KIAA1217: variants seen among roughly 807,000 people sequenced by gnomAD.
KIAA1217 encodes sickle tail protein homolog.
In KIAA1217, 88 loss-of-function variants were observed where a neutral mutation model predicts 163.9. That is an observed-to-expected ratio of 0.54 (90% CI 0.45 to 0.64). The LOEUF is 0.64. Ranked by LOEUF, KIAA1217 falls within the 30% of genes least tolerant of loss-of-function variation. The pLI is 0.00. For missense variants in KIAA1217, 2,372 were observed against 2,475.0 expected (o/e 0.96, Z 0.88); for synonymous variants, 903 against 923.1 (o/e 0.98, Z 0.39).
chr10:24,135,866 A>G (rs557584393), intron 2 of KIAA1217, among the ~76,000 whole-genome samples: 1 of 152,186 alleles, frequency 6.6e-6, no homozygotes, highest in Non-Finnish European at 1.5e-5. Flanking sequence ...TCTATCCAAA[A>G]TTCAGGCAGA....
At chr10:24,471,864 G>C (rs1430145944) in intron 5 of KIAA1217, among the ~76,000 whole-genome samples, 1 of 137,912 alleles carries the variant, frequency 7.3e-6, no homozygotes, top group Non-Finnish European at 1.5e-5. Context: ...TCCAGCCTGG[G>C]AGACAGAGCA....
chr10:24,461,479 C>T (rs2062403716), intron 5 of KIAA1217, among the ~76,000 whole-genome samples: 1 of 152,056 alleles, frequency 6.6e-6, no homozygotes, highest in Non-Finnish European at 1.5e-5. Context: ...CTCAGCCTCC[C>T]AAGTAGCTGG....
intron 1 of KIAA1217, among the ~76,000 whole-genome samples, chr10:23,895,994 G>C (rs924836563): frequency 1.6e-5 from 2 of 125,024 alleles, no homozygotes; most frequent in Non-Finnish European, 1.6e-5. Flanking sequence ...GACTGTTGTG[G>C]GGTGGGGGGA....
chr10:24,285,240 A>G (rs1485438100), intron 2 of KIAA1217, among the ~76,000 whole-genome samples: 1 of 152,202 alleles, frequency 6.6e-6, no homozygotes, highest in Non-Finnish European at 1.5e-5. Flanking sequence ...ATTAGGTTCT[A>G]CTTGTCAATT....
chr10:24,272,903 A>G (rs2132003408), intron 2 of KIAA1217, among the ~76,000 whole-genome samples: 1 of 152,332 alleles, frequency 6.6e-6, no homozygotes, highest in Non-Finnish European at 1.5e-5. Flanking sequence ...GCAAACGTGG[A>G]ATAGCATCCA....
Position 24,002,300 on chromosome 10 carries a change from C to G in KIAA1217, c.-320-4925C>G, listed in dbSNP as rs146945596. On this transcript the variant is annotated intron_variant, in intron 1 of 18. Transcript: ENST00000376462. ...GTTCTTTCCAATTCATTCTTAGTCTCCTCTCTCCACAGAGCTCAGGCATAG... is the reference window on the plus strand; with the variant it reads ...GTTCTTTCCAATTCATTCTTAGTCTGCTCTCTCCACAGAGCTCAGGCATAG... Among the ~76,000 whole-genome samples the G allele has an allele frequency of 8.0e-3, 1,223 of 152,286 alleles. 21 individuals are homozygous for G. Among genetic ancestry groups the G allele is most frequent in the African/African-American group, 0.028 (1,179 of 41,566 alleles).
chr10:23,896,486 G>A (rs575187433), intron 1 of KIAA1217, among the ~76,000 whole-genome samples: 163 of 152,062 alleles, frequency 1.1e-3, no homozygotes, highest in Non-Finnish European at 2.0e-3. Flanking sequence ...GATCTTTCTG[G>A]TGATCACCAC....
chr10:24,337,650 C>CT (rs747582449), intron 2 of KIAA1217, among the ~76,000 whole-genome samples: 4,391 of 40,796 alleles, frequency 0.11, 400 homozygotes, highest in East Asian at 0.43. Flanking sequence ...CTTTTCTTTT[C>CT]TTTTTTTTTT....
intron 2 of KIAA1217, among the ~76,000 whole-genome samples, chr10:24,154,006 G>A (rs897064976): frequency 2.0e-5 from 3 of 149,156 alleles, no homozygotes; most frequent in African/African-American, 7.4e-5. Context: ...CGCCCAGGCT[G>A]GAGTGCAGTG....
At chr10:24,438,796 T>C (rs1238442984) in intron 5 of KIAA1217, among the ~76,000 whole-genome samples, 1 of 152,198 alleles carries the variant, frequency 6.6e-6, no homozygotes, top group Non-Finnish European at 1.5e-5. Context: ...ACTCAGAAGA[T>C]CTCTTGCATT....
chr10:24,533,164 C>T lies in KIAA1217; in HGVS notation c.3341C>T (p.Pro1114Leu). ...TCAGCCTGGACCCCATCCCCACCGCCTGTCACCACCTCCTCCTCAAAGGAT... is the reference window on the plus strand; with the variant it reads ...TCAGCCTGGACCCCATCCCCACCGCTTGTCACCACCTCCTCCTCAAAGGAT... The part of the protein sequence containing the change: ...PASAWTPSPP[P>L]VTTSSSKDEE... The change falls in exon 16 of 21, where the codon CCT (proline) becomes CTT (leucine). Residue 1114 changes from proline (P) to leucine (L), a missense_variant. Around this residue, in one of 3 missense-constraint regions of KIAA1217, gnomAD observed 1,431 missense variants for 1,470.3 expected, o/e 0.97. Transcript: ENST00000376454. 1 of 1,613,860 alleles carries T rather than the reference C, an allele frequency of 6.2e-7. No homozygotes were observed. Among genetic ancestry groups the T allele is most frequent in the South Asian group, 1.1e-5 (1 of 91,010 alleles).
intron 2 of KIAA1217, among the ~76,000 whole-genome samples, chr10:24,142,516 G>T (rs554110981): frequency 2.6e-5 from 4 of 152,216 alleles, no homozygotes; most frequent in South Asian, 2.1e-4. Flanking sequence ...CACACTATTC[G>T]AGTGATGAGT....
intron 17 of KIAA1217, 56 bp from the exon 18 acceptor site, chr10:24,542,637 A>C (rs1353602351): frequency 6.3e-7 from 1 of 1,595,566 alleles, no homozygotes; most frequent in Non-Finnish European, 8.6e-7. Context: ...GTTATAGTCC[A>C]CTTTTTTGGG....
intron 3 of KIAA1217, among the ~76,000 whole-genome samples, chr10:24,387,758 T>G (rs1172751132): frequency 6.6e-6 from 1 of 151,972 alleles, no homozygotes; most frequent in Admixed American, 6.5e-5. Context: ...TATACACCAA[T>G]AACAGACAAA....
intron 1 of KIAA1217, among the ~76,000 whole-genome samples, chr10:23,857,033 G>T (rs537347044): frequency 1.3e-5 from 2 of 152,216 alleles, no homozygotes; most frequent in Non-Finnish European, 2.9e-5. Context: ...TGCACCCACT[G>T]TCTGGCACTC....
At chr10:24,124,195 C>A (rs553685881) in intron 2 of KIAA1217, among the ~76,000 whole-genome samples, 3 of 152,040 alleles carry the variant, frequency 2.0e-5, no homozygotes, top group South Asian at 2.1e-4. Flanking sequence ...TAAATGAGAT[C>A]TTTATCTAGG....
At chr10:24,360,562 C>G (rs981771510) in intron 2 of KIAA1217, among the ~76,000 whole-genome samples, 6 of 152,154 alleles carry the variant, frequency 3.9e-5, no homozygotes, top group Admixed American at 3.3e-4. Flanking sequence ...GAGTTTGAAC[C>G]AGGGCCATTT....
intron 1 of KIAA1217, among the ~76,000 whole-genome samples, chr10:23,846,169 G>A (rs28884899): frequency 6.6e-6 from 1 of 152,118 alleles, no homozygotes; most frequent in South Asian, 2.1e-4. Flanking sequence ...GTAGCATGAT[G>A]CCTTCAGCTT....
chr10:23,961,376 C>T (rs1012500670), intron 1 of KIAA1217, among the ~76,000 whole-genome samples: 1 of 152,126 alleles, frequency 6.6e-6, no homozygotes, highest in African/African-American at 2.4e-5. Flanking sequence ...CCAACAGTGC[C>T]ATGCGTGGGG....
Sources: gnomAD v4.1 joint callset for allele counts (sites outside exome capture counted in the v4.1 genomes callset) on GRCh38, gnomAD v4.1.1 for gene constraint, gnomAD v4.1.1 regional missense constraint, MANE v1.5 for transcripts, NCBI Gene and HGNC (gene_info 2026-07-23, HGNC 2026-07-21) for gene names.